OPCML: variants seen among roughly 807,000 people sequenced by gnomAD.
The protein encoded by OPCML is opioid binding protein/cell adhesion molecule like.
A neutral mutation model predicts 37.8 loss-of-function variants in OPCML; 13 were observed. That is an observed-to-expected ratio of 0.34 (90% CI 0.22 to 0.55). The LOEUF (loss-of-function observed/expected upper bound fraction) is 0.55. OPCML is among the 20% of genes least tolerant of loss of function. OPCML has a pLI of 0.91. For missense variants in OPCML, 341 were observed against 435.6 expected, an observed-to-expected ratio of 0.78 and a Z score of 1.93; for synonymous variants, 176 against 168.8, an observed-to-expected ratio of 1.04 and a Z score of -0.33.
intron 1 of OPCML, among the ~76,000 whole-genome samples, chr11:133,240,688 C>T (rs1940697235): frequency 6.6e-6 from 1 of 152,206 alleles, no homozygotes; most frequent in African/African-American, 2.4e-5. Context: ...TCCTCTTTCT[C>T]TAGCTAAACC....
At chr11:133,498,243 C>T (rs1008941069) in intron 1 of OPCML, among the ~76,000 whole-genome samples, 3 of 152,232 alleles carry the variant, frequency 2.0e-5, no homozygotes, top group Non-Finnish European at 4.4e-5. Context: ...CCTCTCCTGG[C>T]TTCCCTGCGT....
At chr11:132,572,864 G>A (rs1767109803) in intron 3 of OPCML, among the ~76,000 whole-genome samples, 1 of 151,846 alleles carries the variant, frequency 6.6e-6, no homozygotes, top group Non-Finnish European at 1.5e-5. Flanking sequence ...TAACAATATT[G>A]TCTTCCAATC....
At chr11:132,484,716 C>T (rs1260496506) in intron 4 of OPCML, among the ~76,000 whole-genome samples, 2 of 152,114 alleles carry the variant, frequency 1.3e-5, no homozygotes, top group African/African-American at 4.8e-5. Flanking sequence ...GGCACATATA[C>T]ACCATGGAAT....
At chr11:132,737,516 C>T (rs965058370) in intron 2 of OPCML, among the ~76,000 whole-genome samples, 3 of 152,060 alleles carry the variant, frequency 2.0e-5, no homozygotes, top group Non-Finnish European at 4.4e-5. Context: ...AACAATTATT[C>T]TACTATAATC....
intron 1 of OPCML, among the ~76,000 whole-genome samples, chr11:133,041,951 C>G (rs1256908989): frequency 6.6e-6 from 1 of 152,158 alleles, no homozygotes; most frequent in Non-Finnish European, 1.5e-5. Flanking sequence ...ATCCCAGGAC[C>G]TGGCTCCAGG....
chr11:133,225,819 G>T lies in OPCML; in HGVS notation c.62-282809C>A, dbSNP rs1592121407. On this transcript the variant is annotated intron_variant, in intron 1 of 7. Transcript: ENST00000524381. Reference sequence around the variant, plus strand: ...CTTATGAAGTTTCTAGTCTTAATTAGGAAAAGGATGGATTAATGAAAAGCA... The same window carrying T: ...CTTATGAAGTTTCTAGTCTTAATTATGAAAAGGATGGATTAATGAAAAGCA... Among the ~76,000 whole-genome samples the T allele has an allele frequency of 2.6e-5, 4 of 152,254 alleles. No individual in the cohort carries two copies. In the South Asian group the frequency reaches 8.3e-4, roughly 32 times the overall value.
rs114238891 is a variant in OPCML at position 132,726,582 on chromosome 11, A to G, written c.147-69263T>C. The stretch of plus-strand genomic sequence containing the variant: ...AGACTTAGTCTAAGTTTGTAGCTTG[A>G]GAGATTATTTCCAGTTACAAAAGAA... On this transcript the variant is annotated intron_variant, in intron 2 of 7. Transcript: ENST00000524381. 7.0e-3 allele frequency among the ~76,000 whole-genome samples: 1,057 copies of G among 152,072 alleles called. 9 individuals carry two copies. Among genetic ancestry groups the G allele is most frequent in the African/African-American group, 0.024 (979 of 41,474 alleles).
chr11:133,007,994 G>A (rs1353862675), intron 1 of OPCML: 1 of 985,316 alleles, frequency 1.0e-6, no homozygotes, highest in Non-Finnish European at 1.2e-6. Flanking sequence ...GTCTGCATAT[G>A]CTTCAAGTGC....
At chr11:132,705,033 T>G (rs77473284) in intron 2 of OPCML, among the ~76,000 whole-genome samples, 1,967 of 152,310 alleles carry the variant, frequency 0.013, 20 homozygotes, top group South Asian at 0.046. Flanking sequence ...CAGATCTGGC[T>G]GAAAGTTAAT....
At chr11:132,555,725 T>C (rs7951462) in intron 3 of OPCML, among the ~76,000 whole-genome samples, 99,886 of 151,940 alleles carry the variant, frequency 0.66, 33,616 homozygotes, top group East Asian at 0.86. Flanking sequence ...CCATGCCCCC[T>C]TCATCCATTT....
intron 1 of OPCML, among the ~76,000 whole-genome samples, chr11:133,271,847 G>T (rs185948214): frequency 1.4e-4 from 21 of 152,266 alleles, no homozygotes; most frequent in Admixed American, 6.5e-4. Flanking sequence ...TACAAAATTC[G>T]ATGAGCACTT....
chr11:132,463,179 A>C (rs2096108539), intron 4 of OPCML, among the ~76,000 whole-genome samples: 1 of 152,234 alleles, frequency 6.6e-6, no homozygotes. Context: ...TCACTACATC[A>C]GCAATGCACA....
At chr11:132,991,671 C>T (rs1457425560) in intron 1 of OPCML, among the ~76,000 whole-genome samples, 1 of 152,140 alleles carries the variant, frequency 6.6e-6, no homozygotes, top group East Asian at 1.9e-4. Flanking sequence ...TTCAACACAG[C>T]CCTAAAACAG....
chr11:133,192,697 C>G (rs576162593), intron 1 of OPCML, among the ~76,000 whole-genome samples: 4 of 152,222 alleles, frequency 2.6e-5, no homozygotes, highest in African/African-American at 9.6e-5. Flanking sequence ...ATTTGGGATG[C>G]TAAATATAAC....
chr11:133,273,331 G>C (rs946774524), intron 1 of OPCML, among the ~76,000 whole-genome samples: 4 of 152,068 alleles, frequency 2.6e-5, no homozygotes, highest in African/African-American at 7.2e-5. Context: ...AGCCAGCAGG[G>C]TGCACACCCA....
At chr11:133,246,763 A>T (rs539108219) in intron 1 of OPCML, among the ~76,000 whole-genome samples, 1 of 152,386 alleles carries the variant, frequency 6.6e-6, no homozygotes, top group Admixed American at 6.5e-5. Context: ...TAGATTGATA[A>T]GTTTGGAAAC....
At position 132,952,549 on chromosome 11, in the gene OPCML, GA is replaced by G. The variant is rs1945883783; in HGVS notation, c.62-9540del. On this transcript the variant is annotated intron_variant, in intron 1 of 7. Coordinates refer to ENST00000524381, the MANE Select transcript of OPCML (RefSeq NM_001012393.5). ...CTGCTAACCTAAGGGCAGAATTCAG[GA>G]CCCTTAAATCCCAACCTGCTTCTCT... Among the ~76,000 whole-genome samples the G allele has an allele frequency of 2.6e-5, 4 of 152,112 alleles. No individual in the cohort carries two copies. In the South Asian group the frequency reaches 8.3e-4, roughly 32 times the overall value.
chr11:133,258,751 A>T (rs567009406), intron 1 of OPCML, among the ~76,000 whole-genome samples: 27 of 152,032 alleles, frequency 1.8e-4, no homozygotes, highest in African/African-American at 6.3e-4. Context: ...ATGGTTCTGG[A>T]GATCTAAGTA....
rs71038527 is a variant in OPCML at position 133,410,634 on chromosome 11, T to TAAAAAAAAAAAA, written c.61+121618_61+121629dup. ...TGAAAGCACACGTTAAGAAAAAAAG[T>TAAAAAAAAAAAA]AAAAAAAAAAAAAAAAAAAAAAAAA... On this transcript the variant is annotated intron_variant, in intron 1 of 7. Coordinates refer to ENST00000524381, the MANE Select transcript of OPCML (RefSeq NM_001012393.5). Among the ~76,000 whole-genome samples, 37 of 47,010 alleles carry TAAAAAAAAAAAA rather than the reference T, an allele frequency of 7.9e-4. 9 individuals are homozygous for TAAAAAAAAAAAA. The highest frequency in any genetic ancestry group is 1.4e-3 in the Non-Finnish European group (33 of 22,814). 30.8% of individuals were successfully genotyped at this position (47,010 alleles called of 152,430 possible).
Sources: gnomAD v4.1 joint callset for allele counts (sites outside exome capture counted in the v4.1 genomes callset) on GRCh38, gnomAD v4.1.1 for gene constraint, MANE v1.5 for transcripts, NCBI Gene and HGNC (gene_info 2026-07-23, HGNC 2026-07-21) for gene names.